The following PTPRQ variants were observed in gnomAD, a reference collection of about 807,000 sequenced individuals.
The protein encoded by PTPRQ is phosphatidylinositol phosphatase PTPRQ.
A neutral mutation model predicts 246.0 loss-of-function variants in PTPRQ; 199 were observed. That is an observed-to-expected ratio of 0.81 (90% CI 0.72 to 0.91). The LOEUF is 0.91. Ranked by LOEUF, PTPRQ falls within the 40% of genes least tolerant of loss-of-function variation. The pLI is 0.00. For missense variants in PTPRQ, 2,624 were observed against 2,528.4 expected, an observed-to-expected ratio of 1.04 and a Z score of -0.81; for synonymous variants, 869 against 853.2, an observed-to-expected ratio of 1.02 and a Z score of -0.32.
chr12:80,463,761 C>T (rs1398842015), intron 6 of PTPRQ, among the ~76,000 whole-genome samples: 3 of 150,962 alleles, frequency 2.0e-5, no homozygotes, highest in Non-Finnish European at 4.4e-5. Context: ...CATATCCAGC[C>T]AAACTAAGCT....
At chr12:80,578,569 A>G (rs1897339378) in intron 25 of PTPRQ, among the ~76,000 whole-genome samples, 1 of 151,348 alleles carries the variant, frequency 6.6e-6, no homozygotes, top group African/African-American at 2.4e-5. Flanking sequence ...TTTTTGTTGT[A>G]TTTTTAGTAG....
chr12:80,526,193 G>C (rs1319823668), intron 17 of PTPRQ, among the ~76,000 whole-genome samples: 1 of 152,124 alleles, frequency 6.6e-6, no homozygotes, highest in Non-Finnish European at 1.5e-5. Flanking sequence ...ATGGAGACAG[G>C]GTATGAATTG....
chr12:80,678,261 G>C (rs545040972), intron 43 of PTPRQ, among the ~76,000 whole-genome samples: 29 of 152,124 alleles, frequency 1.9e-4, no homozygotes, highest in African/African-American at 7.0e-4. Flanking sequence ...AAAACTGTAA[G>C]AGAATTTACC....
intron 34 of PTPRQ, among the ~76,000 whole-genome samples, chr12:80,634,045 T>C (rs1899545344): frequency 1.3e-5 from 2 of 152,220 alleles, no homozygotes; most frequent in African/African-American, 4.8e-5. Context: ...CCAAGTCAAA[T>C]TCTACTTCTT....
intron 17 of PTPRQ, among the ~76,000 whole-genome samples, chr12:80,521,938 A>G (rs1057224172): frequency 9.2e-5 from 14 of 152,272 alleles, no homozygotes; most frequent in African/African-American, 3.1e-4. Context: ...CATAGAATCC[A>G]TAAATTACCT....
At chr12:80,674,579 T>C (rs993461444) in intron 43 of PTPRQ, among the ~76,000 whole-genome samples, 2 of 152,174 alleles carry the variant, frequency 1.3e-5, no homozygotes, top group Non-Finnish European at 2.9e-5. Flanking sequence ...TTTGAGCTTC[T>C]ACTCTAATAC....
At chr12:80,545,658 A>G (rs1446720111) in intron 23 of PTPRQ, among the ~76,000 whole-genome samples, 2 of 151,472 alleles carry the variant, frequency 1.3e-5, no homozygotes, top group Non-Finnish European at 2.9e-5. Context: ...TCATATCTCT[A>G]AAAACAGTGT....
At chr12:80,633,461 C>T (rs900974650) in intron 34 of PTPRQ, among the ~76,000 whole-genome samples, 8 of 152,196 alleles carry the variant, frequency 5.3e-5, no homozygotes, top group Non-Finnish European at 1.5e-5. Context: ...GGAAATCTTA[C>T]TTCTGACCTC....
intron 25 of PTPRQ, among the ~76,000 whole-genome samples, chr12:80,561,991 A>C (rs1896841166): frequency 6.6e-6 from 1 of 152,056 alleles, no homozygotes; most frequent in African/African-American, 2.4e-5. Context: ...ATGGGGGTTA[A>C]ATTTTGTCAA....
chr12:80,542,879 A>G lies in PTPRQ; in HGVS notation c.3871A>G (p.Lys1291Glu). The G allele has an allele frequency of 1.4e-6, 2 of 1,479,536 alleles. No homozygotes were observed. The highest frequency in any genetic ancestry group is 1.8e-6 in the Non-Finnish European group (2 of 1,106,642). 91.7% of individuals were successfully genotyped at this position (1,479,536 alleles called of 1,614,324 possible). ...HEHETDTIYY[K>E]NISGFKTEAK... Reference sequence around the variant, plus strand: ...ACATGAAACTGACACTATATATTATAAGGTAGGTTGATTATAACAGTATAT... The same window carrying G: ...ACATGAAACTGACACTATATATTATGAGGTAGGTTGATTATAACAGTATAT... Residue 1291 changes from lysine to glutamate, a missense_variant and splice_region_variant, in exon 23 of 45, where the codon AAG becomes GAG. Coordinates refer to ENST00000644991, the MANE Select transcript of PTPRQ (RefSeq NM_001145026.2).
intron 17 of PTPRQ, among the ~76,000 whole-genome samples, chr12:80,512,172 CATTG>C (rs2120720867): frequency 6.6e-6 from 1 of 152,238 alleles, no homozygotes; most frequent in South Asian, 2.1e-4. Flanking sequence ...AATTTGATGG[CATTG>C]ATTAAGTTAG....
At chr12:80,530,200 A>T (rs937944532) in intron 17 of PTPRQ, among the ~76,000 whole-genome samples, 1 of 152,036 alleles carries the variant, frequency 6.6e-6, no homozygotes, top group African/African-American at 2.4e-5. Flanking sequence ...CTTTTTTTAT[A>T]CTGTGGTCAC....
At chr12:80,633,923 T>C (rs1475853684) in intron 34 of PTPRQ, among the ~76,000 whole-genome samples, 2 of 152,186 alleles carry the variant, frequency 1.3e-5, no homozygotes, top group African/African-American at 4.8e-5. Context: ...ACTTGCCTAC[T>C]CACTAGCTAA....
intron 26 of PTPRQ, among the ~76,000 whole-genome samples, chr12:80,603,403 A>T (rs1376947722): frequency 6.6e-6 from 1 of 151,672 alleles, no homozygotes; most frequent in African/African-American, 2.4e-5. Flanking sequence ...ATAAACTCCA[A>T]ATTCTTTAAC....
chr12:80,571,607 T>C (rs906510020), intron 25 of PTPRQ, among the ~76,000 whole-genome samples: 2 of 152,192 alleles, frequency 1.3e-5, no homozygotes, highest in African/African-American at 2.4e-5. Flanking sequence ...TAATTAAATA[T>C]TGTGAAAATA....
chr12:80,545,500 C>G (rs1264945545), intron 23 of PTPRQ, among the ~76,000 whole-genome samples: 1 of 152,088 alleles, frequency 6.6e-6, no homozygotes, highest in Admixed American at 6.5e-5. Context: ...ATTATCTTCT[C>G]TTTCCATGAG....
intron 32 of PTPRQ, among the ~76,000 whole-genome samples, chr12:80,620,715 A>G (rs956723678): frequency 6.6e-6 from 1 of 151,788 alleles, no homozygotes; most frequent in African/African-American, 2.4e-5. Context: ...TGTGTTTTTC[A>G]CTTATTATTT....
chr12:80,494,809 G>A (rs1422101777), intron 10 of PTPRQ, 124 bp from the exon 11 acceptor site: 25 of 928,634 alleles, frequency 2.7e-5, no homozygotes, highest in Non-Finnish European at 3.7e-5. Context: ...TAATAGAGGT[G>A]TGCATGGAGA....
chr12:80,652,686 G>C, intron 37 of PTPRQ, 58 bp from the exon 38 acceptor site: 2 of 1,420,908 alleles, frequency 1.4e-6, no homozygotes, highest in Non-Finnish European at 1.8e-6. Context: ...CTTTTAATAA[G>C]TGAAATTTCT....
Sources: gnomAD v4.1 joint callset for allele counts (sites outside exome capture counted in the v4.1 genomes callset) on GRCh38, gnomAD v4.1.1 for gene constraint, MANE v1.5 for transcripts, NCBI Gene and HGNC (gene_info 2026-07-23, HGNC 2026-07-21) for gene names.